Variants in MYO6 observed in about 807,000 individuals in gnomAD.
MYO6 encodes unconventional myosin-VI.
MYO6 carries 74 observed loss-of-function variants against 178.7 expected under a neutral mutation model. The ratio of observed to expected loss-of-function variants is 0.41; its 90% CI spans 0.34 to 0.50. The LOEUF (loss-of-function observed/expected upper bound fraction) is 0.50. MYO6 is among the 20% of genes least tolerant of loss of function. The probability of loss-of-function intolerance (pLI) is 0.09; values close to 1 mark genes in which losing one functional copy is unlikely to be tolerated. For missense variants in MYO6, 1,330 were observed against 1,547.4 expected, an observed-to-expected ratio of 0.86 and a Z score of 2.36; for synonymous variants, 477 against 504.6, an observed-to-expected ratio of 0.95 and a Z score of 0.73.
At chr6:75,783,115 C>T (rs1248289138) in intron 1 of MYO6, among the ~76,000 whole-genome samples, 1 of 151,890 alleles carries the variant, frequency 6.6e-6, no homozygotes, top group Non-Finnish European at 1.5e-5. Context: ...TGGGGTCTTG[C>T]TATGTTGCCC....
chr6:75,790,333 A>G (rs1768095864), intron 1 of MYO6, among the ~76,000 whole-genome samples: 3 of 151,234 alleles, frequency 2.0e-5, no homozygotes, highest in Admixed American at 2.0e-4. Flanking sequence ...ATCACAATAA[A>G]TTTGTTTTCT....
Position 75,832,999 on chromosome 6 carries a change from C to G in MYO6, c.497+52C>G, listed in dbSNP as rs758535856. 2.5e-5 allele frequency: 32 copies of G among 1,290,322 alleles called. No individual in the cohort carries two copies. The South Asian group carries it at 3.7e-4, about 15-fold the overall frequency. 79.9% of individuals were successfully genotyped at this position (1,290,322 alleles called of 1,614,324 possible). A position where few individuals can be genotyped will look rare whatever the true frequency, so the allele number is the denominator to read the frequency against. On this transcript the variant is annotated intron_variant, in intron 6 of 34. Transcript: ENST00000369977. ...TTGAGTAGGTTGATCTTTTTTTTCC[C>G]CCCTTGAGATAGGGTCTTACTGTGT...
chr6:75,868,816 T>C (rs1776906687), intron 18 of MYO6, among the ~76,000 whole-genome samples: 1 of 152,164 alleles, frequency 6.6e-6, no homozygotes, highest in Admixed American at 6.5e-5. Flanking sequence ...AAGTGCCTTT[T>C]TCAGGTTATT....
At position 75,897,145 on chromosome 6, in the gene MYO6, A is replaced by G. The variant is rs116995159; in HGVS notation, c.3138-1228A>G. On this transcript the variant is annotated intron_variant, in intron 29 of 34. Transcript: ENST00000369977. ...TCCATAGACTCCCTTAAAACCTACC[A>G]TGGGAAAAGAAATGGAGGAAGCTTT... Among the ~76,000 whole-genome samples, 42 of 152,328 alleles carry G rather than the reference A, an allele frequency of 2.8e-4. No homozygotes were observed. The East Asian group carries it at 6.9e-3, about 25-fold the overall frequency.
chr6:75,911,583 C>T (rs541731887), intron 32 of MYO6, 89 bp from the exon 33 acceptor site: 27 of 1,149,172 alleles, frequency 2.3e-5, no homozygotes, highest in Admixed American at 2.3e-4. Context: ...GTCACCACCT[C>T]GATTGGAAGG....
intron 30 of MYO6, among the ~76,000 whole-genome samples, chr6:75,905,693 C>G (rs1343553928): frequency 6.6e-6 from 1 of 152,264 alleles, no homozygotes; most frequent in African/African-American, 2.4e-5. Context: ...GTCGCTCACG[C>G]TGGGAGCTGT....
chr6:75,913,387 A>G (rs986521184), intron 33 of MYO6, among the ~76,000 whole-genome samples: 3 of 152,200 alleles, frequency 2.0e-5, no homozygotes, highest in African/African-American at 7.2e-5. Flanking sequence ...TTTGCACTTC[A>G]TTGGATTTTA....
intron 1 of MYO6, among the ~76,000 whole-genome samples, chr6:75,757,438 A>G (rs183647255): frequency 1.7e-4 from 25 of 150,820 alleles, no homozygotes; most frequent in Non-Finnish European, 2.7e-4. Context: ...ATGTTCTGCT[A>G]GGATGTGTGA....
intron 30 of MYO6, among the ~76,000 whole-genome samples, chr6:75,904,222 C>T (rs900041620): frequency 4.7e-5 from 7 of 149,308 alleles, no homozygotes; most frequent in African/African-American, 1.5e-4. Context: ...TTGCTCTTCT[C>T]GAGGAGTATC....
intron 30 of MYO6, among the ~76,000 whole-genome samples, chr6:75,899,482 C>G (rs1284331863): frequency 6.6e-6 from 1 of 151,804 alleles, no homozygotes. Context: ...GTAGAAAAGA[C>G]AAATAATATT....
At chr6:75,808,197 C>T (rs1240904245) in intron 1 of MYO6, among the ~76,000 whole-genome samples, 7 of 152,168 alleles carry the variant, frequency 4.6e-5, no homozygotes, top group South Asian at 2.1e-4. Context: ...ATACCACAAA[C>T]GTTTGTATTC....
intron 1 of MYO6, among the ~76,000 whole-genome samples, chr6:75,789,419 G>A (rs539473182): frequency 9.2e-5 from 14 of 152,118 alleles, no homozygotes; most frequent in East Asian, 7.7e-4. Flanking sequence ...ATGGTAATTC[G>A]TATTGAGTAA....
At chr6:75,898,328 G>C (rs1335738605) in intron 29 of MYO6, 45 bp from the exon 30 acceptor site, 1 of 1,285,076 alleles carries the variant, frequency 7.8e-7, no homozygotes, top group Non-Finnish European at 1.1e-6. Context: ...AATTTATGTA[G>C]TATGACTTTT....
intron 25 of MYO6, among the ~76,000 whole-genome samples, chr6:75,887,905 G>T (rs369605710): frequency 1.3e-5 from 2 of 151,954 alleles, no homozygotes; most frequent in East Asian, 3.9e-4. Flanking sequence ...AGTGAACCGG[G>T]GGGGCGGAGC....
chr6:75,854,615 GGTAATA>G (rs1263912844), intron 11 of MYO6, among the ~76,000 whole-genome samples: 1 of 152,038 alleles, frequency 6.6e-6, no homozygotes, highest in Non-Finnish European at 1.5e-5. Context: ...AGCCTGTACA[GGTAATA>G]GTAAATGTCT....
intron 22 of MYO6, among the ~76,000 whole-genome samples, chr6:75,881,257 C>G (rs1352287951): frequency 1.3e-5 from 2 of 151,998 alleles, no homozygotes; most frequent in South Asian, 4.1e-4. Context: ...TTAGGAGAGA[C>G]AGAATAATTT....
rs761628703 is a variant in MYO6, at chr6:75,858,944, A to G, written c.1424A>G (p.Tyr475Cys). The change falls in exon 14 of 35, where the codon TAT (tyrosine) becomes TGT (cysteine). Residue 475 changes from tyrosine to cysteine, a missense_variant. Tyr to Cys is a radical substitution (Grantham distance 194, BLOSUM62 -2). Transcript: ENST00000369977. Reference sequence around the variant, plus strand: ...AGTTTTGAACAATTTTGCATCAACTATTGCAATGAAAAACTTCAACAATTT... The same window carrying G: ...AGTTTTGAACAATTTTGCATCAACTGTTGCAATGAAAAACTTCAACAATTT... Reference protein sequence around the residue: ...HNSFEQFCINYCNEKLQQFFN... With the variant: ...HNSFEQFCINCCNEKLQQFFN... 6.2e-7 allele frequency: 1 copy of G among 1,611,382 alleles called. No homozygotes were observed. Among genetic ancestry groups the G allele is most frequent in the Admixed American group, 1.7e-5 (1 of 59,930 alleles).
In MYO6 at chr6:75,886,639, A is replaced by G. The variant is rs78810476; in HGVS notation, c.2508-205A>G. Among the ~76,000 whole-genome samples, 2,501 of 152,294 alleles carry G rather than the reference A, an allele frequency of 0.016. 75 individuals carry two copies. The highest frequency in any genetic ancestry group is 0.057 in the African/African-American group (2,389 of 41,556). On this transcript the variant is annotated intron_variant, in intron 24 of 34. Transcript: ENST00000369977. Reference sequence around the variant, plus strand: ...GTGATTTGAATTCTCAAAGTTGTAGAAGGCTTTAATCCCATTGACAGGCAT... The same window carrying G: ...GTGATTTGAATTCTCAAAGTTGTAGGAGGCTTTAATCCCATTGACAGGCAT...
chr6:75,878,899 C>T (rs1777777255), intron 20 of MYO6, among the ~76,000 whole-genome samples: 1 of 152,146 alleles, frequency 6.6e-6, no homozygotes, highest in African/African-American at 2.4e-5. Flanking sequence ...CTGAAAAGCT[C>T]ACATTGACTC....
Sources: gnomAD v4.1 joint callset for allele counts (sites outside exome capture counted in the v4.1 genomes callset) on GRCh38, gnomAD v4.1.1 for gene constraint, MANE v1.5 for transcripts, NCBI Gene and HGNC (gene_info 2026-07-23, HGNC 2026-07-21) for gene names.